Variants in SLX4IP observed in about 807,000 individuals in gnomAD.
SLX4IP encodes protein SLX4IP.
SLX4IP carries 34 observed loss-of-function variants against 32.9 expected under a neutral mutation model. That is an observed-to-expected ratio of 1.03 (90% CI 0.79 to 1.38). The LOEUF (loss-of-function observed/expected upper bound fraction) is 1.38. SLX4IP is among the 40% of genes most tolerant of loss of function. The pLI, the probability that SLX4IP is intolerant of heterozygous loss-of-function variation, is 0.00. For missense variants in SLX4IP, 444 were observed against 479.0 expected (o/e 0.93, Z 0.68); for synonymous variants, 172 against 171.7 (o/e 1.00, Z -0.01).
intron 1 of SLX4IP, among the ~76,000 whole-genome samples, chr20:10,449,265 T>C (rs150373973): frequency 2.0e-5 from 3 of 152,228 alleles, no homozygotes; most frequent in African/African-American, 7.2e-5. Flanking sequence ...ATTTTGTCTA[T>C]GAAGGGTGCC....
Position 10,458,218 on chromosome 20 carries a change from A to G in SLX4IP, c.14A>G (p.Lys5Arg). MASK[K>R]FAVKCGNFAV... ...AATCAATAAGCCATGGCATCTAAGA[A>G]ATTTGCTGTTAAAGTAAGTAATGTT... is the stretch of plus-strand genomic sequence containing the variant. The change falls in exon 2 of 8, where the codon AAA becomes AGA. Residue 5 changes from lysine (K) to arginine (R), a missense_variant. By Grantham distance (26) the Lys-to-Arg change is conservative. Coordinates refer to ENST00000334534, the MANE Select transcript of SLX4IP (RefSeq NM_001009608.3). The G allele has an allele frequency of 6.3e-7, 1 of 1,590,892 alleles. No homozygotes were observed. Among genetic ancestry groups the G allele is most frequent in the Non-Finnish European group, 8.5e-7 (1 of 1,172,270 alleles).
At chr20:10,458,335 C>A in intron 2 of SLX4IP, 104 bp downstream of exon 2, 1 of 1,189,632 alleles carries the variant, frequency 8.4e-7, no homozygotes, top group Non-Finnish European at 1.2e-6. Context: ...CTGCTTTTTA[C>A]ACTTGGGACT....
rs73243736 is a variant in SLX4IP, at chr20:10,559,749, A to G, written c.118-951A>G. Among the ~76,000 whole-genome samples, 321 of 152,330 alleles carry G rather than the reference A, an allele frequency of 2.1e-3. 1 individual carries two copies. The highest frequency in any genetic ancestry group is 7.5e-3 in the African/African-American group (313 of 41,566). ...CAATTGACCTATCCTGAAACTTACT[A>G]GTGATAAGGAATACTGAAATTGAAT... is the stretch of plus-strand genomic sequence containing the variant. On this transcript the variant is annotated intron_variant, in intron 3 of 7. Transcript: ENST00000334534.
intron 2 of SLX4IP, among the ~76,000 whole-genome samples, chr20:10,542,781 C>G (rs2066121235): frequency 6.6e-6 from 1 of 152,208 alleles, no homozygotes; most frequent in Admixed American, 6.5e-5. Flanking sequence ...TTAATTCTCT[C>G]TAGTTAGATT....
At position 10,439,160 on chromosome 20, in the gene SLX4IP, C is replaced by T. The variant is rs181284811; in HGVS notation, c.-30+3707C>T. 5.3e-3 allele frequency among the ~76,000 whole-genome samples: 812 copies of T among 152,156 alleles called. 4 individuals carry two copies. The highest frequency in any genetic ancestry group is 0.018 in the African/African-American group (744 of 41,514). On this transcript the variant is annotated intron_variant, in intron 1 of 7. Transcript: ENST00000334534. The stretch of plus-strand genomic sequence containing the variant: ...TTTGGTTTGTTCTTATTTTTACAAT[C>T]TCATTCTCACATTGCTTTGTTCTTC...
At chr20:10,536,440 A>C (rs144100089) in intron 2 of SLX4IP, among the ~76,000 whole-genome samples, 1 of 152,282 alleles carries the variant, frequency 6.6e-6, no homozygotes, top group East Asian at 1.9e-4. Flanking sequence ...TCAATTAGAA[A>C]TATTGCAACG....
At chr20:10,459,758 CCTT>C (rs1431677976) in intron 2 of SLX4IP, among the ~76,000 whole-genome samples, 1 of 152,122 alleles carries the variant, frequency 6.6e-6, no homozygotes, top group African/African-American at 2.4e-5. Flanking sequence ...GGGGTTGAGA[CCTT>C]CTCAGGTGTG....
intron 4 of SLX4IP, among the ~76,000 whole-genome samples, chr20:10,592,349 C>G (rs574561941): frequency 7.4e-5 from 11 of 148,176 alleles, no homozygotes; most frequent in South Asian, 4.3e-4. Flanking sequence ...TTCTCCAACC[C>G]CCCCCCATCA....
At chr20:10,538,886 A>T (rs974564058) in intron 2 of SLX4IP, among the ~76,000 whole-genome samples, 8 of 152,166 alleles carry the variant, frequency 5.3e-5, no homozygotes, top group Non-Finnish European at 1.0e-4. Flanking sequence ...ATAGGTGCTG[A>T]TTCATGGCAC....
chr20:10,467,215 G>C (rs1455761211), intron 2 of SLX4IP, among the ~76,000 whole-genome samples: 1 of 152,126 alleles, frequency 6.6e-6, no homozygotes, highest in African/African-American at 2.4e-5. Context: ...ATTTGAAAAT[G>C]GCTGCGTTGA....
In SLX4IP at chr20:10,621,338, T is replaced by G. The variant is rs780107726; in HGVS notation, c.430T>G (p.Ser144Ala). 1.2e-6 allele frequency: 2 copies of G among 1,614,220 alleles called. No individual in the cohort carries two copies. ...GACAGAAAGAGTTCTCCATGGAGTG[T>G]CTGATTACTTTGCTGAGTGTGCAGA... ...DLTERVLHGV[S>A]DYFAECAESS... Residue 144 changes from serine (S) to alanine (A), a missense_variant, in exon 7 of 8, where the codon TCT becomes GCT. Physicochemically the swap from Ser to Ala is moderately conservative, Grantham distance 99. Coordinates refer to ENST00000334534, the MANE Select transcript of SLX4IP (RefSeq NM_001009608.3).
intron 1 of SLX4IP, among the ~76,000 whole-genome samples, chr20:10,437,432 A>G (rs1367147415): frequency 6.6e-6 from 1 of 152,254 alleles, no homozygotes; most frequent in Non-Finnish European, 1.5e-5. Flanking sequence ...TTAAAGAGCC[A>G]GTAAGGAGTA....
At chr20:10,587,115 C>G (rs970067305) in intron 4 of SLX4IP, among the ~76,000 whole-genome samples, 5 of 152,038 alleles carry the variant, frequency 3.3e-5, no homozygotes, top group African/African-American at 1.2e-4. Context: ...GTCAATCTCA[C>G]TCAAATATAA....
intron 2 of SLX4IP, among the ~76,000 whole-genome samples, chr20:10,503,101 C>T (rs1191752125): frequency 6.6e-6 from 1 of 152,192 alleles, no homozygotes; most frequent in Non-Finnish European, 1.5e-5. Context: ...TTGGCCACCT[C>T]ACTATGGCCT....
chr20:10,547,264 ATCTT>A lies in SLX4IP; in HGVS notation c.28-8959_28-8956del, dbSNP rs2066171894. Among the ~76,000 whole-genome samples the A allele has an allele frequency of 1.4e-5, 2 of 140,852 alleles. 1 individual carries two copies. The highest frequency in any genetic ancestry group is 1.5e-4 in the Admixed American group (2 of 13,358). 92.4% of individuals were successfully genotyped at this position (140,852 alleles called of 152,430 possible). A position where few individuals can be genotyped will look rare whatever the true frequency, so the allele number is the denominator to read the frequency against. On this transcript the variant is annotated intron_variant, in intron 2 of 7. Coordinates refer to ENST00000334534, the MANE Select transcript of SLX4IP (RefSeq NM_001009608.3). The stretch of plus-strand genomic sequence containing the variant: ...AAGTCATTTGTTCTGCTTTTCCCTC[ATCTT>A]TCTTTCTCTTTCCTTTGTGTTTTTA...
chr20:10,620,961 C>T (rs941097286), intron 6 of SLX4IP, among the ~76,000 whole-genome samples: 25 of 152,232 alleles, frequency 1.6e-4, no homozygotes, highest in African/African-American at 5.3e-4. Context: ...ACAGAGCTCA[C>T]AGGCACGTTG....
At chr20:10,435,779 A>G (rs746122452) in intron 1 of SLX4IP, among the ~76,000 whole-genome samples, 7 of 152,148 alleles carry the variant, frequency 4.6e-5, no homozygotes, top group Non-Finnish European at 2.9e-5. Flanking sequence ...CTTCCCAGAC[A>G]TTTTTGGAGA....
In SLX4IP at chr20:10,478,592, T is replaced by G. The variant is rs114333153; in HGVS notation, c.27+20361T>G. Among the ~76,000 whole-genome samples, 388 of 152,350 alleles carry G rather than the reference T, an allele frequency of 2.5e-3. 4 individuals are homozygous for G. Among genetic ancestry groups the G allele is most frequent in the African/African-American group, 9.0e-3 (376 of 41,576 alleles). On this transcript the variant is annotated intron_variant, in intron 2 of 7. Coordinates refer to ENST00000334534, the MANE Select transcript of SLX4IP (RefSeq NM_001009608.3). ...TGTAATTTTAAACATTTTATTAATA[T>G]TAACTATATTACATTTACTAACCAT...
At chr20:10,484,791 C>T (rs6039978) in intron 2 of SLX4IP, among the ~76,000 whole-genome samples, 1 of 152,042 alleles carries the variant, frequency 6.6e-6, no homozygotes, top group African/African-American at 2.4e-5. Flanking sequence ...AACACAGGGC[C>T]TCATATAATC....
Sources: allele counts gnomAD v4.1 joint callset (sites outside exome capture counted in the v4.1 genomes callset), GRCh38; gene constraint gnomAD v4.1.1; transcripts MANE v1.5; gene names NCBI Gene and HGNC (gene_info 2026-07-23, HGNC 2026-07-21).